The following ST3GAL1 variants were observed in gnomAD, a reference collection of about 807,000 sequenced individuals.
ST3GAL1 encodes ST3 beta-galactoside alpha-2,3-sialyltransferase 1, also known as CMP-N-acetylneuraminate-beta-galactosamide-alpha-2,3-sialyltransferase 1.
In ST3GAL1, 16 loss-of-function variants were observed where a neutral mutation model predicts 34.1. That is an observed-to-expected ratio of 0.47 (90% CI 0.32 to 0.71). The LOEUF (loss-of-function observed/expected upper bound fraction) is 0.71, where lower values mean the gene tolerates loss of function less well. Ranked by LOEUF, ST3GAL1 falls within the 30% of genes least tolerant of loss-of-function variation. The probability of loss-of-function intolerance (pLI) is 0.04; values close to 1 mark genes in which losing one functional copy is unlikely to be tolerated. For missense variants in ST3GAL1, 353 were observed against 447.4 expected (o/e 0.79, Z 1.90); for synonymous variants, 191 against 184.7 (o/e 1.03, Z -0.28).
In ST3GAL1 at chr8:133,504,983, T is replaced by A. The variant is rs1817291053; in HGVS notation, c.-428-5794A>T. 1.3e-5 allele frequency among the ~76,000 whole-genome samples: 2 copies of A among 152,100 alleles called. 1 individual carries two copies. The highest frequency in any genetic ancestry group is 1.3e-4 in the Admixed American group (2 of 15,256). On this transcript the variant is annotated intron_variant, in intron 2 of 9. Coordinates refer to ENST00000522652, the MANE Select transcript of ST3GAL1 (RefSeq NM_173344.3). ...AGTTGGGTGAGAGTGAGCCTCAGTT[T>A]CTTCATCTGCTAAACAGAAAAGACG...
At chr8:133,465,729 G>T (rs1303378798) in intron 6 of ST3GAL1, 165 bp downstream of exon 6, 4 of 654,140 alleles carry the variant, frequency 6.1e-6, no homozygotes, top group Non-Finnish European at 1.0e-5. Context: ...TGCAGAGATG[G>T]GGAAGCTGAG....
intron 2 of ST3GAL1, among the ~76,000 whole-genome samples, chr8:133,534,347 T>C (rs1818244556): frequency 6.6e-6 from 1 of 150,996 alleles, no homozygotes; most frequent in African/African-American, 2.4e-5. Flanking sequence ...TTATATAATA[T>C]TATATGTTAT....
intron 1 of ST3GAL1, among the ~76,000 whole-genome samples, chr8:133,569,198 C>T (rs997172530): frequency 3.3e-5 from 5 of 152,324 alleles, no homozygotes; most frequent in Admixed American, 6.5e-5. Context: ...CTTGTCCAAT[C>T]AGACTCTAAA....
intron 3 of ST3GAL1, among the ~76,000 whole-genome samples, chr8:133,496,645 G>C (rs1019063373): frequency 6.6e-6 from 1 of 152,184 alleles, no homozygotes; most frequent in Admixed American, 6.5e-5. Context: ...TGAGACCACA[G>C]CACCTGAGGA....
intron 5 of ST3GAL1, among the ~76,000 whole-genome samples, chr8:133,472,646 A>AT (rs1014151725): frequency 4.6e-5 from 7 of 152,048 alleles, no homozygotes; most frequent in African/African-American, 1.7e-4. Context: ...TTATCTGTGC[A>AT]TTTTTTAGAA....
In ST3GAL1 at chr8:133,471,695, C is replaced by A. The variant is rs115872490; in HGVS notation, c.306+4024G>T. ...TGACCTGGTAAGTGCAAAGTGAGGA[C>A]AATGAGATACCTACACCCTCCTGGT... On this transcript the variant is annotated intron_variant, in intron 5 of 9. Transcript: ENST00000522652. Among the ~76,000 whole-genome samples the A allele has an allele frequency of 6.9e-3, 1,055 of 152,136 alleles. 8 individuals carry two copies. Among genetic ancestry groups the A allele is most frequent in the African/African-American group, 0.024 (1,016 of 41,492 alleles).
intron 3 of ST3GAL1, among the ~76,000 whole-genome samples, chr8:133,482,904 TCAACAACAACAA>T (rs373515250): frequency 6.6e-6 from 1 of 151,984 alleles, no homozygotes; most frequent in Non-Finnish European, 1.5e-5. Context: ...CCAACAGTTG[TCAACAACAACAA>T]CAACAACAAC....
chr8:133,561,394 T>A lies in ST3GAL1; in HGVS notation c.-582+10299A>T, dbSNP rs148228129. Among the ~76,000 whole-genome samples, 213 of 152,216 alleles carry A rather than the reference T, an allele frequency of 1.4e-3. 1 individual carries two copies. The highest frequency in any genetic ancestry group is 0.01 in the Middle Eastern group (3 of 294). On this transcript the variant is annotated intron_variant, in intron 1 of 9. Transcript: ENST00000522652. ...CCACTGAGACACACATACCTGGGTCTCACCATCAGAACCCTCCACTGCCTC... is the reference window on the plus strand; with the variant it reads ...CCACTGAGACACACATACCTGGGTCACACCATCAGAACCCTCCACTGCCTC...
At chr8:133,539,886 ACT>A in intron 2 of ST3GAL1, among the ~76,000 whole-genome samples, 1 of 152,256 alleles carries the variant, frequency 6.6e-6, no homozygotes, top group African/African-American at 2.4e-5. Flanking sequence ...CCAGAGTGAG[ACT>A]CTGTCTCAAA....
At chr8:133,535,170 A>C (rs1004865753) in intron 2 of ST3GAL1, among the ~76,000 whole-genome samples, 52 of 152,228 alleles carry the variant, frequency 3.4e-4, no homozygotes, top group Non-Finnish European at 3.2e-4. Context: ...GAGCACATGC[A>C]AACCTCACAG....
chr8:133,550,108 T>C (rs1303050628), intron 1 of ST3GAL1, among the ~76,000 whole-genome samples: 1 of 152,258 alleles, frequency 6.6e-6, no homozygotes, highest in East Asian at 1.9e-4. Context: ...ACTGTCTTTC[T>C]GCCCCAGATC....
intron 1 of ST3GAL1, among the ~76,000 whole-genome samples, chr8:133,569,038 A>T (rs1036702402): frequency 7.9e-5 from 12 of 152,190 alleles, no homozygotes; most frequent in Admixed American, 7.2e-4. Flanking sequence ...CAGAGCTTCG[A>T]GGAACAGACT....
Position 133,487,519 on chromosome 8 carries a change from A to C in ST3GAL1, c.-373-10919T>G, listed in dbSNP as rs1001203325. 2.6e-5 allele frequency among the ~76,000 whole-genome samples: 4 copies of C among 152,338 alleles called. No individual in the cohort carries two copies. In the South Asian group the frequency reaches 8.3e-4, roughly 32 times the overall value. ...TACTACATGCAGACCCTTTACATAC[A>C]GCATCTCACTTTGTCTTGGCAACAT... On this transcript the variant is annotated intron_variant, in intron 3 of 9. Transcript: ENST00000522652.
chr8:133,526,467 C>G (rs1005848230), intron 2 of ST3GAL1, among the ~76,000 whole-genome samples: 3 of 152,168 alleles, frequency 2.0e-5, no homozygotes, highest in African/African-American at 7.2e-5. Flanking sequence ...TTTGCTCCAA[C>G]CAGCCAGCAT....
chr8:133,541,078 TAGACATATATATATAAAC>T lies in ST3GAL1; in HGVS notation c.-429+4678_-429+4695del, dbSNP rs1563734530. On this transcript the variant is annotated intron_variant, in intron 2 of 9. Transcript: ENST00000522652. ...AGACATATATATATAGACATATATA[TAGACATATATATATAAAC>T]ATATATATATATATATATATATATA... Among the ~76,000 whole-genome samples, 42 of 95,286 alleles carry T rather than the reference TAGACATATATATATAAAC, an allele frequency of 4.4e-4. 5 individuals are homozygous for T. The highest frequency in any genetic ancestry group is 1.5e-3 in the African/African-American group (32 of 21,328). The allele number at this position is 95,286 out of a possible 152,430, so 62.5% of individuals were successfully genotyped here.
chr8:133,486,667 TCTC>T (rs1816614263), intron 3 of ST3GAL1, among the ~76,000 whole-genome samples: 1 of 152,130 alleles, frequency 6.6e-6, no homozygotes, highest in Non-Finnish European at 1.5e-5. Flanking sequence ...TGGACATTTC[TCTC>T]CTTATGTCGA....
intron 1 of ST3GAL1, among the ~76,000 whole-genome samples, chr8:133,567,594 T>C (rs937664480): frequency 6.6e-6 from 1 of 152,140 alleles, no homozygotes; most frequent in African/African-American, 2.4e-5. Context: ...TCCCCACAGA[T>C]GGCACCCTGG....
chr8:133,521,601 C>T (rs1246403230), intron 2 of ST3GAL1, among the ~76,000 whole-genome samples: 3 of 152,174 alleles, frequency 2.0e-5, no homozygotes, highest in Non-Finnish European at 4.4e-5. Context: ...CCAGGCCTAT[C>T]ATGTTATTTT....
At chr8:133,559,439 A>AT (rs1819153857) in intron 1 of ST3GAL1, among the ~76,000 whole-genome samples, 1 of 152,180 alleles carries the variant, frequency 6.6e-6, no homozygotes, top group South Asian at 2.1e-4. Context: ...TGAAAGAAAG[A>AT]ACGATGGTAC....
Sources: allele counts gnomAD v4.1 joint callset (sites outside exome capture counted in the v4.1 genomes callset), GRCh38; gene constraint gnomAD v4.1.1; transcripts MANE v1.5; gene names NCBI Gene and HGNC (gene_info 2026-07-23, HGNC 2026-07-21).